Variants in TJP3 observed in about 807,000 individuals in gnomAD.
TJP3 encodes the protein tight junction protein 3, also known as tight junction protein ZO-3.
In TJP3, 85 loss-of-function variants were observed where a neutral mutation model predicts 104.2. That is an observed-to-expected ratio of 0.82 (90% CI 0.68 to 0.98). The LOEUF is 0.98. Ranked by LOEUF, TJP3 falls within the 50% of genes least tolerant of loss-of-function variation. The pLI is 0.00. For missense variants in TJP3, 1,367 were observed against 1,322.8 expected (o/e 1.03, Z -0.52); for synonymous variants, 550 against 550.6 (o/e 1.00, Z 0.02).
intron 12 of TJP3, 34 bp from the exon 13 acceptor site, chr19:3,738,863 C>T: frequency 6.5e-7 from 1 of 1,540,470 alleles, no homozygotes; most frequent in South Asian, 1.2e-5. Flanking sequence ...AGGCAGCAGC[C>T]CAGGCAGCTC....
intron 20 of TJP3, 126 bp from the exon 21 acceptor site, chr19:3,750,456 C>T: frequency 1.2e-6 from 1 of 839,908 alleles, no homozygotes; most frequent in African/African-American, 1.7e-5. Flanking sequence ...AGGCCCTACC[C>T]ATGAATGCCC....
chr19:3,716,574 C>T (rs2036478666), intron 1 of TJP3, among the ~76,000 whole-genome samples: 1 of 147,314 alleles, frequency 6.8e-6, no homozygotes, highest in African/African-American at 2.4e-5. Context: ...CAAGCATATG[C>T]CAGTAAACAT....
chr19:3,750,649 G>C lies in TJP3; in HGVS notation c.2725G>C (p.Asp909His). The part of the protein sequence containing the change: ...RVHDAESSDE[D>H]GYDWGPATDL ...ACATGATGCGGAGTCCTCCGATGAAGACGGCTATGACTGGGGTCCGGCCAC... is the reference window on the plus strand; with the variant it reads ...ACATGATGCGGAGTCCTCCGATGAACACGGCTATGACTGGGGTCCGGCCAC... The change falls in exon 21 of 21, where the codon GAC becomes CAC. Residue 909 changes from aspartate to histidine, a missense_variant. Asp to His is a moderately conservative substitution (Grantham distance 81). Coordinates refer to ENST00000541714, the MANE Select transcript of TJP3 (RefSeq NM_001267560.2). 1 of 1,606,796 alleles carries C rather than the reference G, an allele frequency of 6.2e-7. No homozygotes were observed. Among genetic ancestry groups the C allele is most frequent in the Non-Finnish European group, 8.5e-7 (1 of 1,176,672 alleles).
At chr19:3,740,040 T>C (rs2036791893) in intron 13 of TJP3, among the ~76,000 whole-genome samples, 1 of 152,002 alleles carries the variant, frequency 6.6e-6, no homozygotes, top group Non-Finnish European at 1.5e-5. Context: ...GAGACTATCC[T>C]GGCCAACATG....
intron 1 of TJP3, among the ~76,000 whole-genome samples, chr19:3,719,659 C>A (rs1203644611): frequency 6.6e-6 from 1 of 150,590 alleles, no homozygotes; most frequent in East Asian, 1.9e-4. Context: ...TGACGGGAAC[C>A]CGGGAGGCGG....
chr19:3,746,621 C>T lies in TJP3; in HGVS notation c.2147C>T (p.Ala716Val). Reference sequence around the variant, plus strand: ...GCACTGCGCCAGTGGCTGGCGCCTGCCTCCCGCCGCAGCACCCGTCGCCTC... The same window carrying T: ...GCACTGCGCCAGTGGCTGGCGCCTGTCTCCCGCCGCAGCACCCGTCGCCTC... ...LKALRQWLAP[A>V]SRRSTRRLYA... The change falls in exon 17 of 21, where the codon GCC becomes GTC. Residue 716 changes from alanine to valine, a missense_variant. Transcript: ENST00000541714. This position sits in a 1 kb window ranked among gnomAD's most constrained non-coding sequence, Gnocchi z 4.1. 6.2e-7 allele frequency: 1 copy of T among 1,611,154 alleles called. No individual in the cohort carries two copies. Among genetic ancestry groups the T allele is most frequent in the Non-Finnish European group, 8.5e-7 (1 of 1,179,490 alleles).
intron 1 of TJP3, among the ~76,000 whole-genome samples, chr19:3,724,199 CTCTT>C: frequency 6.6e-6 from 1 of 151,834 alleles, no homozygotes; most frequent in East Asian, 1.9e-4. Context: ...CTGGGGCTGT[CTCTT>C]TTTTTTTTTT....
At chr19:3,729,598 T>C (rs568631797) in intron 3 of TJP3, among the ~76,000 whole-genome samples, 1 of 151,886 alleles carries the variant, frequency 6.6e-6, no homozygotes, top group Non-Finnish European at 1.5e-5. Flanking sequence ...CTGGCCAACA[T>C]GGTGAAACCC....
At chr19:3,715,385 G>A (rs1158394606) in intron 1 of TJP3, among the ~76,000 whole-genome samples, 6 of 152,204 alleles carry the variant, frequency 3.9e-5, no homozygotes, top group East Asian at 3.9e-4. Context: ...CACCGCGCCC[G>A]GCCAAAAGCA....
At position 3,746,695 on chromosome 19, in the gene TJP3, G is replaced by A; in HGVS notation, c.2221G>A (p.Ala741Thr). The A allele has an allele frequency of 6.2e-7, 1 of 1,609,986 alleles. No individual in the cohort carries two copies. Among genetic ancestry groups the A allele is most frequent in the Non-Finnish European group, 8.5e-7 (1 of 1,178,180 alleles). The change falls in exon 17 of 21, where the codon GCC becomes ACC. Residue 741 changes from alanine to threonine, a missense_variant and splice_region_variant. Ala to Thr is a moderately conservative substitution (Grantham distance 58). Coordinates refer to ENST00000541714, the MANE Select transcript of TJP3 (RefSeq NM_001267560.2). The surrounding 1 kb of genome is among the most constrained non-coding windows in gnomAD (Gnocchi z 4.1). ...AAAACACAGCAGCCACCTCTTCACA[G>A]GTTGGGGGGTGGGTGTCCCAGGGTA... Reference protein sequence around the residue: ...LRKHSSHLFTATIPLNGTSDT... With the variant: ...LRKHSSHLFTTTIPLNGTSDT...
At chr19:3,744,067 G>A (rs752168062) in intron 15 of TJP3, 33 bp downstream of exon 15, 48 of 1,596,970 alleles carry the variant, frequency 3.0e-5, no homozygotes, top group Middle Eastern at 3.3e-4. Flanking sequence ...AACCTCGTTG[G>A]TGAAATAGTT....
At chr19:3,710,745 G>A (rs1472205910) in intron 1 of TJP3, among the ~76,000 whole-genome samples, 5 of 152,078 alleles carry the variant, frequency 3.3e-5, no homozygotes, top group Middle Eastern at 3.4e-3. Context: ...GGGTCACCAG[G>A]CCTTGGAGAT....
chr19:3,728,238 T>G, intron 1 of TJP3, 186 bp from the exon 2 acceptor site: 2 of 957,110 alleles, frequency 2.1e-6, no homozygotes, highest in Non-Finnish European at 3.0e-6. Flanking sequence ...AGACTCTGTC[T>G]CAAAAAATGA....
At position 3,738,970 on chromosome 19, in the gene TJP3, TC is replaced by T; in HGVS notation, c.1469del (p.Pro490HisfsTer109). 1 of 1,613,262 alleles carries T rather than the reference TC, an allele frequency of 6.2e-7. No individual in the cohort carries two copies. Among genetic ancestry groups the T allele is most frequent in the Non-Finnish European group, 8.5e-7 (1 of 1,179,810 alleles). On this transcript the variant is annotated frameshift_variant, in exon 13 of 21. Transcript: ENST00000541714. LOFTEE classifies it high-confidence loss of function. ...IRTHFELEPS[P>X]PSGLGFTRGD... ...GCACTCACTTTGAGCTGGAGCCCAG[TC>T]CACCGTCTGGCCTGGGCTTCACCCG...
chr19:3,736,882 T>C (rs1285993677), intron 11 of TJP3, among the ~76,000 whole-genome samples: 2 of 145,216 alleles, frequency 1.4e-5, no homozygotes, highest in African/African-American at 5.1e-5. Flanking sequence ...GGCTAACTTT[T>C]TTTTTTTTTT....
intron 1 of TJP3, among the ~76,000 whole-genome samples, chr19:3,710,448 G>C (rs1240234294): frequency 6.6e-6 from 1 of 152,198 alleles, no homozygotes. Flanking sequence ...CTGGAGGCTG[G>C]CCCTGCCCCC....
chr19:3,740,547 C>A lies in TJP3; in HGVS notation c.1632-5C>A. 1 of 1,460,550 alleles carries A rather than the reference C, an allele frequency of 6.8e-7. No individual in the cohort carries two copies. Among genetic ancestry groups the A allele is most frequent in the South Asian group, 1.4e-5 (1 of 69,446 alleles). The allele number at this position is 1,460,550 out of a possible 1,614,324, so 90.5% of individuals were successfully genotyped here. A position where few individuals can be genotyped will look rare whatever the true frequency, so the allele number is the denominator to read the frequency against. ...GTGCTCAGTACTGTCCCCTCTTCTC[C>A]CCAGGGCGGAGCAGCTGGCCAGCCT... On this transcript the variant is annotated splice_region_variant and splice_polypyrimidine_tract_variant and intron_variant, in intron 13 of 20. Coordinates refer to ENST00000541714, the MANE Select transcript of TJP3 (RefSeq NM_001267560.2).
chr19:3,735,794 G>A (rs2036730630), intron 9 of TJP3, 75 bp from the exon 10 acceptor site: 3 of 1,593,514 alleles, frequency 1.9e-6, no homozygotes, highest in Admixed American at 1.7e-5. Context: ...CTTCCAGGAT[G>A]AGGACATAAA....
intron 12 of TJP3, 67 bp downstream of exon 12, chr19:3,738,730 G>C (rs1338646405): frequency 6.9e-7 from 1 of 1,444,336 alleles, no homozygotes; most frequent in Admixed American, 1.7e-5. Flanking sequence ...GTGGCCTGGT[G>C]GTGAGTGCAG....
Sources: gnomAD v4.1 joint callset for allele counts (sites outside exome capture counted in the v4.1 genomes callset) on GRCh38, gnomAD v4.1.1 for gene constraint, Gnocchi (gnomAD v3.1) non-coding constraint, MANE v1.5 for transcripts, NCBI Gene and HGNC (gene_info 2026-07-23, HGNC 2026-07-21) for gene names.